The following GALNTL6 variants were observed in gnomAD, a reference collection of about 807,000 sequenced individuals.
GALNTL6 encodes the protein polypeptide N-acetylgalactosaminyltransferase like 6.
A neutral mutation model predicts 73.7 loss-of-function variants in GALNTL6; 46 were observed. The observed-to-expected ratio is 0.62, with a 90% CI of 0.49 to 0.80. The LOEUF is 0.80. Ranked by LOEUF, GALNTL6 falls within the 30% of genes least tolerant of loss-of-function variation. GALNTL6 has a pLI of 0.00. For synonymous variants in GALNTL6, 259 were observed against 263.7 expected (o/e 0.98, Z 0.17); for missense variants, 604 against 755.0 (o/e 0.80, Z 2.34).
Position 172,140,475 on chromosome 4 carries a change from G to T in GALNTL6, c.139-89181G>T, listed in dbSNP as rs898483067. 5.3e-5 allele frequency among the ~76,000 whole-genome samples: 8 copies of T among 151,816 alleles called. No homozygotes were observed. The East Asian group carries it at 9.6e-4, about 18-fold the overall frequency. ...ACTTTGTGCCAGTCATTGTTCTAAG[G>T]GCTTAATAAATATCAGCGCATTTAA... On this transcript the variant is annotated intron_variant, in intron 2 of 12. Transcript: ENST00000506823.
At chr4:172,069,429 A>G (rs1298856936) in intron 2 of GALNTL6, among the ~76,000 whole-genome samples, 1 of 92,122 alleles carries the variant, frequency 1.1e-5, no homozygotes, top group Non-Finnish European at 2.3e-5. Flanking sequence ...TATATAACAC[A>G]CATATAACAT....
At chr4:172,128,027 C>T (rs1733352623) in intron 2 of GALNTL6, among the ~76,000 whole-genome samples, 1 of 151,944 alleles carries the variant, frequency 6.6e-6, no homozygotes, top group Admixed American at 6.6e-5. Context: ...ATCGCTTGAA[C>T]TTGGGGGTGA....
intron 5 of GALNTL6, among the ~76,000 whole-genome samples, chr4:172,673,199 G>A (rs1732087699): frequency 1.3e-5 from 2 of 152,162 alleles, no homozygotes; most frequent in South Asian, 4.1e-4. Flanking sequence ...GTGTCCCAAA[G>A]ATTCTGGTAT....
chr4:172,051,653 C>T (rs1040075879), intron 2 of GALNTL6, among the ~76,000 whole-genome samples: 2 of 152,096 alleles, frequency 1.3e-5, no homozygotes, highest in African/African-American at 2.4e-5. Flanking sequence ...TGTTCATCTC[C>T]TCATAGGTTC....
At chr4:172,059,705 G>A (rs1731136681) in intron 2 of GALNTL6, among the ~76,000 whole-genome samples, 1 of 152,096 alleles carries the variant, frequency 6.6e-6, no homozygotes, top group Admixed American at 6.6e-5. Flanking sequence ...CAGGAGTCAG[G>A]TTATACTTAG....
chr4:171,957,582 G>A (rs414284), intron 2 of GALNTL6, among the ~76,000 whole-genome samples: 72,464 of 152,050 alleles, frequency 0.48, 17,765 homozygotes, highest in East Asian at 0.59. Flanking sequence ...TCACAACTCT[G>A]ACCAGAAAAC....
At chr4:172,448,390 G>C (rs1732099818) in intron 5 of GALNTL6, among the ~76,000 whole-genome samples, 1 of 152,096 alleles carries the variant, frequency 6.6e-6, no homozygotes, top group African/African-American at 2.4e-5. Flanking sequence ...GATTTCTTTA[G>C]AAGTTGACCC....
rs78180460 is a variant in GALNTL6, at chr4:172,495,018, G to A, written c.553+146329G>A. On this transcript the variant is annotated intron_variant, in intron 5 of 12. Coordinates refer to ENST00000506823, the MANE Select transcript of GALNTL6 (RefSeq NM_001034845.3). ...CCCTCACTGAACACCTCATGGAGGC[G>A]CCTGGTAGCTAGCTAGACAGCAAGG... 2.6e-3 allele frequency among the ~76,000 whole-genome samples: 403 copies of A among 152,218 alleles called. 3 individuals carry two copies. Among genetic ancestry groups the A allele is most frequent in the African/African-American group, 8.6e-3 (359 of 41,530 alleles).
At chr4:172,609,480 C>T (rs1738431439) in intron 5 of GALNTL6, among the ~76,000 whole-genome samples, 1 of 152,094 alleles carries the variant, frequency 6.6e-6, no homozygotes, top group Admixed American at 6.6e-5. Context: ...ACTTGCATCC[C>T]AGGGATAAAA....
In GALNTL6 at chr4:171,864,307, C is replaced by T. The variant is rs118102274; in HGVS notation, c.138+49589C>T. Among the ~76,000 whole-genome samples the T allele has an allele frequency of 9.9e-5, 15 of 151,970 alleles. No homozygotes were observed. The East Asian group carries it at 1.5e-3, about 16-fold the overall frequency. On this transcript the variant is annotated intron_variant, in intron 2 of 12. Coordinates refer to ENST00000506823, the MANE Select transcript of GALNTL6 (RefSeq NM_001034845.3). ...ACAGTGGCTCGAATATAAAAGGTCA[C>T]GATTATCTTTAAGGAAAAGAAATTA... is the stretch of plus-strand genomic sequence containing the variant.
At chr4:171,997,700 A>C (rs986244460) in intron 2 of GALNTL6, among the ~76,000 whole-genome samples, 2 of 152,138 alleles carry the variant, frequency 1.3e-5, no homozygotes, top group African/African-American at 4.8e-5. Flanking sequence ...TTCATAAGGA[A>C]TACAAGTAAT....
intron 5 of GALNTL6, among the ~76,000 whole-genome samples, chr4:172,685,234 A>T (rs1273030429): frequency 6.6e-6 from 1 of 152,164 alleles, no homozygotes; most frequent in Non-Finnish European, 1.5e-5. Context: ...GGATAATAAA[A>T]TGCCACAGCA....
At chr4:172,622,526 A>G (rs1004937452) in intron 5 of GALNTL6, among the ~76,000 whole-genome samples, 1 of 152,228 alleles carries the variant, frequency 6.6e-6, no homozygotes, top group African/African-American at 2.4e-5. Flanking sequence ...TATATCAATT[A>G]TCTGTCCAAT....
intron 5 of GALNTL6, among the ~76,000 whole-genome samples, chr4:172,603,231 T>C (rs1475372541): frequency 6.6e-6 from 1 of 152,094 alleles, no homozygotes; most frequent in East Asian, 1.9e-4. Context: ...TTAAATAGAG[T>C]TGATTTTAAA....
chr4:172,466,846 T>C (rs1210489505), intron 5 of GALNTL6, among the ~76,000 whole-genome samples: 1 of 152,334 alleles, frequency 6.6e-6, no homozygotes, highest in South Asian at 2.1e-4. Flanking sequence ...GTTTCTTTTC[T>C]TTTTCTCATC....
At chr4:173,033,858 A>G (rs560522997) in intron 12 of GALNTL6, among the ~76,000 whole-genome samples, 3 of 152,272 alleles carry the variant, frequency 2.0e-5, no homozygotes, top group South Asian at 2.1e-4. Context: ...TTCTACTTAC[A>G]TGGAAATTGA....
rs1241355870 is a variant in GALNTL6 at position 173,041,047 on chromosome 4, T to G, written c.*947T>G. On this transcript the variant is annotated 3_prime_UTR_variant, in exon 13 of 13. Coordinates refer to ENST00000506823, the MANE Select transcript of GALNTL6 (RefSeq NM_001034845.3). ...AATGGAGTGAGTTTGATGTAATTTG[T>G]TTAGGAGATTCTTAAACCCAAATAA... The G allele has an allele frequency of 2.6e-5, 4 of 152,220 alleles. No homozygotes were observed. Among genetic ancestry groups the G allele is most frequent in the Admixed American group, 2.6e-4 (4 of 15,268 alleles). The allele number at this position is 152,220 out of a possible 1,614,324, so 9.4% of individuals were successfully genotyped here. A position where few individuals can be genotyped will look rare whatever the true frequency, so the allele number is the denominator to read the frequency against.
chr4:173,009,182 G>A lies in GALNTL6; in HGVS notation c.1376G>A (p.Arg459Gln), dbSNP rs146923140. The change falls in exon 11 of 13, where the codon CGA becomes CAA. Residue 459 changes from arginine to glutamine, a missense_variant. Physicochemically the swap from Arg to Gln is conservative, Grantham distance 43. This residue lies in a region of GALNTL6 where 261 missense variants were observed against 296.5 expected (regional missense o/e 0.88). Coordinates refer to ENST00000506823, the MANE Select transcript of GALNTL6 (RefSeq NM_001034845.3). The stretch of plus-strand genomic sequence containing the variant: ...AATTCTTTCTTCTTTCCACAGATCC[G>A]AAATGTGGCAGCAAATCTCTGTGTG... ...EPPPAAWGEI[R>Q]NVAANLCVDS... 39 of 1,612,104 alleles carry A rather than the reference G, an allele frequency of 2.4e-5. 1 individual carries two copies. The highest frequency in any genetic ancestry group is 3.0e-5 in the Non-Finnish European group (35 of 1,178,282).
rs184690876 is a variant in GALNTL6 at position 172,520,067 on chromosome 4, G to A, written c.553+171378G>A. Among the ~76,000 whole-genome samples, 178 of 151,786 alleles carry A rather than the reference G, an allele frequency of 1.2e-3. 1 individual carries two copies. The highest frequency in any genetic ancestry group is 3.8e-3 in the African/African-American group (158 of 41,474). ...TATTCATTATTAATAGTAATATGTC[G>A]TACATGTATGAGTGTTATAAATCTA... On this transcript the variant is annotated intron_variant, in intron 5 of 12. Coordinates refer to ENST00000506823, the MANE Select transcript of GALNTL6 (RefSeq NM_001034845.3).
Sources: allele counts gnomAD v4.1 joint callset (sites outside exome capture counted in the v4.1 genomes callset), GRCh38; gene constraint gnomAD v4.1.1; regional missense constraint gnomAD v4.1.1; transcripts MANE v1.5; gene names NCBI Gene and HGNC (gene_info 2026-07-23, HGNC 2026-07-21).